LRRC4C: variants seen among roughly 807,000 people sequenced by gnomAD.
LRRC4C encodes the protein leucine-rich repeat-containing protein 4C.
Under a neutral mutation model 33.6 loss-of-function variants are expected in LRRC4C, and 5 were observed. The ratio of observed to expected loss-of-function variants is 0.15; its 90% CI spans 0.08 to 0.31. LRRC4C has a LOEUF of 0.31. Ranked by LOEUF, LRRC4C falls within the 10% of genes least tolerant of loss-of-function variation. The pLI, the probability that LRRC4C is intolerant of heterozygous loss-of-function variation, is 1.00. For missense variants in LRRC4C, 560 were observed against 796.7 expected (o/e 0.70, Z 3.58); for synonymous variants, 329 against 302.0 (o/e 1.09, Z -0.93).
At chr11:41,015,906 C>T (rs1261542392) in intron 1 of LRRC4C, among the ~76,000 whole-genome samples, 1 of 152,010 alleles carries the variant, frequency 6.6e-6, no homozygotes, top group Non-Finnish European at 1.5e-5. Flanking sequence ...AGGAGAATGG[C>T]GTGAACTCGG....
intron 3 of LRRC4C, among the ~76,000 whole-genome samples, chr11:40,412,353 T>C (rs1032341020): frequency 1.3e-5 from 2 of 152,124 alleles, no homozygotes; most frequent in Non-Finnish European, 2.9e-5. Flanking sequence ...GACCACACAG[T>C]TACTGTCTCC....
At chr11:41,221,798 C>T (rs114441659) in intron 1 of LRRC4C, among the ~76,000 whole-genome samples, 1 of 152,144 alleles carries the variant, frequency 6.6e-6, no homozygotes, top group Non-Finnish European at 1.5e-5. Context: ...CCATAGAGCT[C>T]AACTGGCATA....
intron 1 of LRRC4C, among the ~76,000 whole-genome samples, chr11:40,936,014 T>TTA (rs56879078): frequency 0.011 from 530 of 48,870 alleles, 12 homozygotes; most frequent in Non-Finnish European, 0.012. Context: ...ATGCCAAATT[T>TTA]TATATATATA....
chr11:41,417,449 G>A (rs1198800324), intron 1 of LRRC4C, among the ~76,000 whole-genome samples: 2 of 152,026 alleles, frequency 1.3e-5, no homozygotes, highest in Non-Finnish European at 2.9e-5. Context: ...GCGTGACAAT[G>A]TATCCCATGC....
chr11:41,288,733 A>G (rs1361037969), intron 1 of LRRC4C, among the ~76,000 whole-genome samples: 1 of 152,134 alleles, frequency 6.6e-6, no homozygotes, highest in African/African-American at 2.4e-5. Flanking sequence ...CAAGACTGAA[A>G]TTAAAGTGTG....
intron 1 of LRRC4C, among the ~76,000 whole-genome samples, chr11:41,079,600 T>G (rs2135474734): frequency 6.6e-6 from 1 of 152,246 alleles, no homozygotes. Flanking sequence ...TCAGTGAGCT[T>G]ATTCGTAAAC....
intron 2 of LRRC4C, among the ~76,000 whole-genome samples, chr11:40,665,822 G>C (rs567713471): frequency 5.3e-5 from 8 of 152,020 alleles, no homozygotes; most frequent in Non-Finnish European, 1.0e-4. Flanking sequence ...TATTAGATTA[G>C]CCAGTCAATT....
chr11:41,396,468 T>C (rs1409088277), intron 1 of LRRC4C, among the ~76,000 whole-genome samples: 27 of 152,004 alleles, frequency 1.8e-4, no homozygotes, highest in Admixed American at 1.8e-3. Flanking sequence ...TCTTTTATAG[T>C]TATTGTCTTC....
intron 1 of LRRC4C, among the ~76,000 whole-genome samples, chr11:41,186,250 A>G (rs541713727): frequency 6.6e-6 from 1 of 152,182 alleles, no homozygotes. Flanking sequence ...TCAGCACAGT[A>G]ATGAAAAGGA....
chr11:40,697,657 A>C (rs1387197115), intron 2 of LRRC4C, among the ~76,000 whole-genome samples: 3 of 152,194 alleles, frequency 2.0e-5, no homozygotes, highest in African/African-American at 7.2e-5. Context: ...TACTCCCTTT[A>C]AGTATTGGTT....
intron 3 of LRRC4C, among the ~76,000 whole-genome samples, chr11:40,422,193 G>A (rs185879182): frequency 1.8e-3 from 278 of 152,206 alleles, no homozygotes; most frequent in South Asian, 3.1e-3. Flanking sequence ...AGTCCTCACC[G>A]TAATAACCAT....
intron 1 of LRRC4C, among the ~76,000 whole-genome samples, chr11:41,249,704 G>A (rs1301740121): frequency 6.6e-6 from 1 of 151,996 alleles, no homozygotes; most frequent in African/African-American, 2.4e-5. Context: ...GCTTTCATGA[G>A]GCTTCTCTTC....
intron 4 of LRRC4C, among the ~76,000 whole-genome samples, chr11:40,291,987 A>G (rs1214057791): frequency 1.3e-5 from 2 of 151,658 alleles, no homozygotes; most frequent in African/African-American, 4.8e-5. Context: ...GATGCAGTCA[A>G]CCTGCATCCT....
intron 4 of LRRC4C, among the ~76,000 whole-genome samples, chr11:40,257,392 A>G (rs1867293781): frequency 1.3e-5 from 2 of 152,206 alleles, no homozygotes; most frequent in African/African-American, 4.8e-5. Flanking sequence ...ATTTACTATA[A>G]GTCAAGTTAA....
intron 3 of LRRC4C, among the ~76,000 whole-genome samples, chr11:40,483,264 G>A (rs542629724): frequency 6.3e-4 from 96 of 152,274 alleles, no homozygotes; most frequent in African/African-American, 2.2e-3. Context: ...GGAGGGATGG[G>A]ACCCCTTGAG....
At chr11:40,508,781 T>G (rs147663424) in intron 3 of LRRC4C, among the ~76,000 whole-genome samples, 1 of 152,326 alleles carries the variant, frequency 6.6e-6, no homozygotes, top group East Asian at 1.9e-4. Context: ...AAATAATATA[T>G]GTGAAACTGT....
At chr11:41,443,295 C>A (rs1356523579) in intron 1 of LRRC4C, among the ~76,000 whole-genome samples, 2 of 151,956 alleles carry the variant, frequency 1.3e-5, no homozygotes, top group African/African-American at 4.8e-5. Context: ...ATCACTTGAG[C>A]TCAGGAGTTA....
intron 3 of LRRC4C, among the ~76,000 whole-genome samples, chr11:40,475,949 C>T (rs10768603): frequency 0.5 from 76,292 of 151,888 alleles, 19,491 homozygotes; most frequent in East Asian, 0.72. Context: ...ATGTGAGACT[C>T]AATAATTTTT....
rs1013475820 is a variant in LRRC4C at position 41,351,830 on chromosome 11, A to G, written c.-496+107601T>C. 2.0e-5 allele frequency among the ~76,000 whole-genome samples: 3 copies of G among 152,228 alleles called. No homozygotes were observed. In the East Asian group the frequency reaches 5.8e-4, roughly 29 times the overall value. The stretch of plus-strand genomic sequence containing the variant: ...AAATATTTTTCAGACTTTCACTAAG[A>G]GAGTTTGTTACCATCAGACCTGCCA... On this transcript the variant is annotated intron_variant, in intron 1 of 6. Transcript: ENST00000528697.
Sources: gnomAD v4.1 joint callset for allele counts (sites outside exome capture counted in the v4.1 genomes callset) on GRCh38, gnomAD v4.1.1 for gene constraint, MANE v1.5 for transcripts, NCBI Gene and HGNC (gene_info 2026-07-23, HGNC 2026-07-21) for gene names.